DLGAP2: variants seen among roughly 807,000 people sequenced by gnomAD.
The protein encoded by DLGAP2 is disks large-associated protein 2.
Under a neutral mutation model 100.3 loss-of-function variants are expected in DLGAP2, and 26 were observed. That is an observed-to-expected ratio of 0.26 (90% CI 0.19 to 0.36). DLGAP2 has a LOEUF of 0.36. Among genes scored for constraint, DLGAP2 ranks in the 10% least tolerant of loss-of-function variants. The pLI, the probability that DLGAP2 is intolerant of heterozygous loss-of-function variation, is 1.00. For synonymous variants in DLGAP2, 886 were observed against 630.1 expected (o/e 1.41, Z -6.08); for missense variants, 1,858 against 1,453.2 (o/e 1.28, Z -4.53).
chr8:1,455,043 G>A (rs1314635209), intron 3 of DLGAP2, among the ~76,000 whole-genome samples: 1 of 152,172 alleles, frequency 6.6e-6, no homozygotes, highest in Non-Finnish European at 1.5e-5. Flanking sequence ...GGGAGGGGGG[G>A]ATACCGGATG....
At chr8:1,336,832 CTAA>C (rs34342107) in intron 3 of DLGAP2, among the ~76,000 whole-genome samples, 21,915 of 152,096 alleles carry the variant, frequency 0.14, 1,771 homozygotes, top group Admixed American at 0.18. Flanking sequence ...CACATTTTTC[CTAA>C]TGTTTACTGC....
intron 2 of DLGAP2, among the ~76,000 whole-genome samples, chr8:1,069,389 C>T (rs1803359735): frequency 6.6e-6 from 1 of 152,178 alleles, no homozygotes; most frequent in Non-Finnish European, 1.5e-5. Context: ...GGGCCGGCTT[C>T]TCCCATGCCC....
intron 1 of DLGAP2, among the ~76,000 whole-genome samples, chr8:741,298 C>G (rs910256928): frequency 6.6e-6 from 1 of 152,210 alleles, no homozygotes; most frequent in Non-Finnish European, 1.5e-5. Flanking sequence ...CCACCTTTCC[C>G]TTCCAAGGCT....
chr8:1,649,901 T>C (rs917683589), intron 8 of DLGAP2, among the ~76,000 whole-genome samples: 2 of 152,210 alleles, frequency 1.3e-5, no homozygotes, highest in Non-Finnish European at 2.9e-5. Flanking sequence ...TGATGGATCA[T>C]ATCAAATGTT....
chr8:915,502 G>A (rs1377332135), intron 2 of DLGAP2, among the ~76,000 whole-genome samples: 4 of 151,628 alleles, frequency 2.6e-5, no homozygotes, highest in Admixed American at 6.6e-5. Flanking sequence ...AGCCGAGATC[G>A]CACCACTGCA....
intron 2 of DLGAP2, among the ~76,000 whole-genome samples, chr8:1,091,714 G>C (rs1470591411): frequency 6.6e-6 from 1 of 152,124 alleles, no homozygotes; most frequent in Non-Finnish European, 1.5e-5. Flanking sequence ...GGACGTCTGG[G>C]TTGTTGACGT....
intron 2 of DLGAP2, among the ~76,000 whole-genome samples, chr8:1,168,365 A>G (rs1797061242): frequency 6.6e-6 from 1 of 152,046 alleles, no homozygotes; most frequent in Admixed American, 6.6e-5. Flanking sequence ...TCTTTATAGC[A>G]GCATGATTTA....
intron 6 of DLGAP2, 140 bp from the exon 7 acceptor site, chr8:1,626,600 G>A (rs1350472972): frequency 9.6e-7 from 1 of 1,039,572 alleles, no homozygotes; most frequent in African/African-American, 1.6e-5. Flanking sequence ...CTCAGCCTCT[G>A]GGTGTGGGTT....
rs906619214 is a variant in DLGAP2 at position 987,647 on chromosome 8, G to C, written c.73+79681G>C. On this transcript the variant is annotated intron_variant, in intron 2 of 14. Transcript: ENST00000637795. ...TAGCTTCCTGGTCTTACTGCAGCTCGTGGGAATCCTGCTGTCTTCCCCTTG... is the reference window on the plus strand; with the variant it reads ...TAGCTTCCTGGTCTTACTGCAGCTCCTGGGAATCCTGCTGTCTTCCCCTTG... Among the ~76,000 whole-genome samples the C allele has an allele frequency of 2.6e-5, 4 of 152,102 alleles. No individual in the cohort carries two copies. The East Asian group carries it at 5.8e-4, about 22-fold the overall frequency.
At chr8:1,463,518 G>A (rs2130164094) in intron 3 of DLGAP2, among the ~76,000 whole-genome samples, 1 of 152,348 alleles carries the variant, frequency 6.6e-6, no homozygotes, top group Admixed American at 6.5e-5. Flanking sequence ...TTGGCTCAGG[G>A]TCCTGTTCCC....
At position 1,298,006 on chromosome 8, in the gene DLGAP2, CGTG is replaced by C. The variant is rs1800229543; in HGVS notation, c.106+39124_106+39126del. Among the ~76,000 whole-genome samples, 166 of 32,272 alleles carry C rather than the reference CGTG, an allele frequency of 5.1e-3. 17 individuals carry two copies. Among genetic ancestry groups the C allele is most frequent in the African/African-American group, 0.039 (160 of 4,150 alleles). The allele number at this position is 32,272 out of a possible 152,430, so 21.2% of individuals were successfully genotyped here. ...ACGTGGCAGGCGTCAACAGACACCA[CGTG>C]AGACAGGGAGGAGAAACGTGGCAGG... On this transcript the variant is annotated intron_variant, in intron 3 of 14. Transcript: ENST00000637795.
At chr8:1,085,463 T>C (rs912188743) in intron 2 of DLGAP2, among the ~76,000 whole-genome samples, 2 of 152,182 alleles carry the variant, frequency 1.3e-5, no homozygotes, top group African/African-American at 4.8e-5. Context: ...TCCCCCTAAG[T>C]TTTCCTCTAG....
chr8:1,227,153 G>GAGATATATATATATATAT lies in DLGAP2; in HGVS notation c.74-31697_74-31696insGATATATATATATATATA, dbSNP rs1554506451. On this transcript the variant is annotated intron_variant, in intron 2 of 14. Coordinates refer to ENST00000637795, the MANE Select transcript of DLGAP2 (RefSeq NM_001346810.2). ...AAATGAATGGGTAAGGAAACTGTGA[G>GAGATATATATATATATAT]ATATATATATATATATATATAGTAT... Among the ~76,000 whole-genome samples the GAGATATATATATATATAT allele has an allele frequency of 4.5e-5, 4 of 89,710 alleles. 1 individual carries two copies. Among genetic ancestry groups the GAGATATATATATATATAT allele is most frequent in the South Asian group, 4.1e-4 (1 of 2,434 alleles). The allele number at this position is 89,710 out of a possible 152,430, so 58.9% of individuals were successfully genotyped here.
chr8:1,644,981 G>A (rs1177217768), intron 8 of DLGAP2, among the ~76,000 whole-genome samples: 4 of 152,342 alleles, frequency 2.6e-5, no homozygotes, highest in South Asian at 2.1e-4. Context: ...AGTGGCTCAC[G>A]CCTGTAGTGC....
intron 1 of DLGAP2, among the ~76,000 whole-genome samples, chr8:788,662 G>T (rs1821945157): frequency 6.6e-6 from 1 of 152,236 alleles, no homozygotes; most frequent in African/African-American, 2.4e-5. Context: ...GAAGCCCAGA[G>T]CGGGCAGAAG....
chr8:1,544,680 CT>C (rs1290677977), intron 4 of DLGAP2, among the ~76,000 whole-genome samples: 4 of 151,792 alleles, frequency 2.6e-5, no homozygotes, highest in Non-Finnish European at 5.9e-5. Context: ...TACATAGTCA[CT>C]GTATATAATT....
At chr8:1,221,709 C>T (rs960576578) in intron 2 of DLGAP2, among the ~76,000 whole-genome samples, 1 of 152,160 alleles carries the variant, frequency 6.6e-6, no homozygotes, top group Non-Finnish European at 1.5e-5. Flanking sequence ...TGCTTGCTGT[C>T]ACTCCACCTC....
intron 1 of DLGAP2, among the ~76,000 whole-genome samples, chr8:817,207 C>A (rs1446279659): frequency 6.6e-6 from 1 of 151,604 alleles, no homozygotes; most frequent in Non-Finnish European, 1.5e-5. Flanking sequence ...AATTTGAAAG[C>A]CTTGTCTTAA....
chr8:844,611 C>T (rs1797041015), intron 1 of DLGAP2, among the ~76,000 whole-genome samples: 1 of 152,182 alleles, frequency 6.6e-6, no homozygotes, highest in South Asian at 2.1e-4. Context: ...TCCTTCCTCG[C>T]CTATCAAGGA....
Sources: gnomAD v4.1 joint callset for allele counts (sites outside exome capture counted in the v4.1 genomes callset) on GRCh38, gnomAD v4.1.1 for gene constraint, MANE v1.5 for transcripts, NCBI Gene and HGNC (gene_info 2026-07-23, HGNC 2026-07-21) for gene names.